The following POPDC2 variants were observed in gnomAD, a reference collection of about 807,000 sequenced individuals.
POPDC2 encodes popeye domain cAMP effector 2.
A neutral mutation model predicts 30.5 loss-of-function variants in POPDC2; 24 were observed. The observed-to-expected ratio is 0.79, with a 90% CI of 0.57 to 1.11. The LOEUF (loss-of-function observed/expected upper bound fraction) is 1.11, where lower values mean the gene tolerates loss of function less well. Ranked by LOEUF, POPDC2 falls within the 50% of genes least tolerant of loss-of-function variation. The pLI, the probability that POPDC2 is intolerant of heterozygous loss-of-function variation, is 0.00. For missense variants in POPDC2, 409 were observed against 447.0 expected (o/e 0.91, Z 0.77); for synonymous variants, 185 against 183.3 (o/e 1.01, Z -0.07).
At chr3:119,654,408 C>G (rs1044754259) in intron 2 of POPDC2, 97 bp downstream of exon 2, 2 of 831,242 alleles carry the variant, frequency 2.4e-6, no homozygotes, top group East Asian at 5.0e-5. Context: ...GGCAGGGGTG[C>G]GAAGGACAGA....
intron 1 of POPDC2, 41 bp downstream of exon 1, chr3:119,659,892 G>T: frequency 2.0e-6 from 3 of 1,535,834 alleles, no homozygotes; most frequent in Non-Finnish European, 1.8e-6. Flanking sequence ...AGAAGTGTGG[G>T]CTGGGGAAAG....
In POPDC2 at chr3:119,642,469, A is replaced by G. The variant is rs746032132; in HGVS notation, c.*136T>C. The G allele has an allele frequency of 2.1e-5, 33 of 1,595,478 alleles. No homozygotes were observed. In the Admixed American group the frequency reaches 2.2e-4, roughly 10 times the overall value. ...CGCTGGCCACAGAGAAGATAGTCCA[A>G]TGATCCTTAAAGTTCAGGCGTGTGG... is the stretch of plus-strand genomic sequence containing the variant. On this transcript the variant is annotated 3_prime_UTR_variant, in exon 4 of 4. Coordinates refer to ENST00000493094, the MANE Select transcript of POPDC2 (RefSeq NM_001369919.2).
chr3:119,651,199 C>T (rs1395048396), intron 2 of POPDC2, among the ~76,000 whole-genome samples: 1 of 152,212 alleles, frequency 6.6e-6, no homozygotes, highest in African/African-American at 2.4e-5. Context: ...CACCTCAGGG[C>T]CTTTGCACTG....
At chr3:119,647,206 G>C (rs924574547) in intron 3 of POPDC2, among the ~76,000 whole-genome samples, 1 of 152,084 alleles carries the variant, frequency 6.6e-6, no homozygotes, top group East Asian at 1.9e-4. Flanking sequence ...GTAATTTATT[G>C]GTGCTTTCTG....
Position 119,660,038 on chromosome 3 carries a change from A to T in POPDC2, c.386T>A (p.Ile129Asn). 6.2e-7 allele frequency: 1 copy of T among 1,614,212 alleles called. No homozygotes were observed. Among genetic ancestry groups the T allele is most frequent in the Non-Finnish European group, 8.5e-7 (1 of 1,180,028 alleles). Residue 129 changes from isoleucine to asparagine, a missense_variant, in exon 1 of 4, where the codon ATT (isoleucine) becomes AAT (asparagine). By Grantham distance (149) the Ile-to-Asn change is moderately radical (BLOSUM62 -3). Transcript: ENST00000493094. ...GACCTGCTCCTCGCAGCAGTGAACA[A>T]TCTCCTTGTATGTCTGTAGGGGCAC... ...LQVPLQTYKE[I>N]VHCCEEQVLT...
At chr3:119,653,057 CATGT>C (rs2052831233) in intron 2 of POPDC2, among the ~76,000 whole-genome samples, 2 of 144,498 alleles carry the variant, frequency 1.4e-5, no homozygotes, top group South Asian at 4.4e-4. Flanking sequence ...CATGCGTGTG[CATGT>C]GTGTGTGTGT....
intron 3 of POPDC2, among the ~76,000 whole-genome samples, chr3:119,646,298 G>A (rs1364600309): frequency 6.6e-6 from 1 of 152,092 alleles, no homozygotes; most frequent in East Asian, 1.9e-4. Flanking sequence ...AGTGAAGAGG[G>A]AGAAATGAAC....
At chr3:119,655,606 A>T (rs1348127500) in intron 1 of POPDC2, among the ~76,000 whole-genome samples, 1 of 152,200 alleles carries the variant, frequency 6.6e-6, no homozygotes, top group Non-Finnish European at 1.5e-5. Flanking sequence ...ACTTTGAAGG[A>T]AGTGGCAAGT....
At chr3:119,649,977 A>G (rs2107817029) in intron 2 of POPDC2, among the ~76,000 whole-genome samples, 1 of 152,350 alleles carries the variant, frequency 6.6e-6, no homozygotes, top group Non-Finnish European at 1.5e-5. Context: ...CAGTTGTATG[A>G]TGTCAGATAA....
chr3:119,658,051 C>T (rs1056398009), intron 1 of POPDC2, among the ~76,000 whole-genome samples: 1 of 152,156 alleles, frequency 6.6e-6, no homozygotes, highest in African/African-American at 2.4e-5. Context: ...CTCTAGAGAA[C>T]AGTGTGCATG....
intron 3 of POPDC2, among the ~76,000 whole-genome samples, chr3:119,645,782 G>A (rs1186830804): frequency 1.3e-5 from 2 of 152,190 alleles, no homozygotes; most frequent in African/African-American, 4.8e-5. Flanking sequence ...ACACTCAGAT[G>A]TCCTGGGGCT....
chr3:119,649,509 T>C (rs1463170944), intron 2 of POPDC2, among the ~76,000 whole-genome samples: 1 of 152,140 alleles, frequency 6.6e-6, no homozygotes, highest in Non-Finnish European at 1.5e-5. Flanking sequence ...GGGGTTAAAA[T>C]GGAAACATGC....
At chr3:119,653,601 C>T (rs1404565692) in intron 2 of POPDC2, among the ~76,000 whole-genome samples, 1 of 152,122 alleles carries the variant, frequency 6.6e-6, no homozygotes, top group African/African-American at 2.4e-5. Context: ...CCTCAGCCTC[C>T]CAAGTAGTTG....
chr3:119,643,999 T>G (rs1191404927), intron 3 of POPDC2, among the ~76,000 whole-genome samples: 1 of 152,230 alleles, frequency 6.6e-6, no homozygotes, highest in African/African-American at 2.4e-5. Context: ...TTCTTGCAGA[T>G]AAAACATTTT....
In POPDC2 at chr3:119,642,436, G is replaced by T. The variant is rs547077659; in HGVS notation, c.*169C>A. The stretch of plus-strand genomic sequence containing the variant: ...CAGTGGCCATTCTGTGAACACAGAA[G>T]AGAGCTGCGCTGGCCACAGAGAAGA... On this transcript the variant is annotated 3_prime_UTR_variant, in exon 4 of 4. Coordinates refer to ENST00000493094, the MANE Select transcript of POPDC2 (RefSeq NM_001369919.2). 166 of 1,417,496 alleles carry T rather than the reference G, an allele frequency of 1.2e-4. 2 individuals carry two copies. In the South Asian group the frequency reaches 1.7e-3, roughly 15 times the overall value. 87.8% of individuals were successfully genotyped at this position (1,417,496 alleles called of 1,614,324 possible).
chr3:119,643,361 C>G, intron 3 of POPDC2: 1 of 1,531,794 alleles, frequency 6.5e-7, no homozygotes, highest in South Asian at 1.2e-5. Flanking sequence ...CCACTTTTTG[C>G]TGTACCTTTT....
At position 119,659,928 on chromosome 3, in the gene POPDC2, C is replaced by T. The variant is rs746134205; in HGVS notation, c.491+5G>A. The T allele has an allele frequency of 1.9e-6, 3 of 1,576,366 alleles. No homozygotes were observed. Among genetic ancestry groups the T allele is most frequent in the Non-Finnish European group, 2.6e-6 (3 of 1,156,148 alleles). On this transcript the variant is annotated splice_donor_5th_base_variant and intron_variant, in intron 1 of 3. Transcript: ENST00000493094. ...AAATTCTGGGCAATGGATAGAGTAG[C>T]TTACCGGCCAGAGAGCAGCAGGGAC...
rs148709329 is a variant in POPDC2, at chr3:119,659,934, G to A, written c.490C>T (p.Arg164Trp). Residue 164 changes from arginine (R) to tryptophan (W), a missense_variant and splice_region_variant, in exon 1 of 4, where the codon CGG becomes TGG. Physicochemically the swap from Arg to Trp is moderately radical, Grantham distance 101. Coordinates refer to ENST00000493094, the MANE Select transcript of POPDC2 (RefSeq NM_001369919.2). Reference sequence around the variant, plus strand: ...TGGGCAATGGATAGAGTAGCTTACCGGCCAGAGAGCAGCAGGGACAGGCGG... The same window carrying A: ...TGGGCAATGGATAGAGTAGCTTACCAGCCAGAGAGCAGCAGGGACAGGCGG... ...INRLSLLLSGRVRVSQDGQFL... is the reference protein window; with the variant it reads ...INRLSLLLSGWVRVSQDGQFL... 5.9e-5 allele frequency: 94 copies of A among 1,582,906 alleles called. No homozygotes were observed. The African/African-American group carries it at 7.5e-4, about 13-fold the overall frequency.
Position 119,660,431 on chromosome 3 carries a change from G to T in POPDC2, c.-8C>A. 1 of 1,605,250 alleles carries T rather than the reference G, an allele frequency of 6.2e-7. No homozygotes were observed. The highest frequency in any genetic ancestry group is 8.5e-7 in the Non-Finnish European group (1 of 1,174,796). Reference sequence around the variant, plus strand: ...GCTGCTGTTGGCGCTCATCTTTGGGGCCTCTCAAAGCCTCACTGGGCTCTA... The same window carrying T: ...GCTGCTGTTGGCGCTCATCTTTGGGTCCTCTCAAAGCCTCACTGGGCTCTA... On this transcript the variant is annotated 5_prime_UTR_variant, in exon 1 of 4. Transcript: ENST00000493094.
Sources: gnomAD v4.1 joint callset for allele counts (sites outside exome capture counted in the v4.1 genomes callset) on GRCh38, gnomAD v4.1.1 for gene constraint, MANE v1.5 for transcripts, NCBI Gene and HGNC (gene_info 2026-07-23, HGNC 2026-07-21) for gene names.